The following C1orf159 variants were observed in gnomAD, a reference collection of about 807,000 sequenced individuals.
C1orf159 encodes chromosome 1 open reading frame 159.
A neutral mutation model predicts 25.6 loss-of-function variants in C1orf159; 19 were observed. That is an observed-to-expected ratio of 0.74 (90% CI 0.52 to 1.09). The LOEUF (loss-of-function observed/expected upper bound fraction) is 1.09, where lower values mean the gene tolerates loss of function less well. Ranked by LOEUF, C1orf159 falls within the 50% of genes least tolerant of loss-of-function variation. The pLI is 0.00. For synonymous variants in C1orf159, 139 were observed against 124.7 expected (o/e 1.12, Z -0.77); for missense variants, 274 against 290.6 (o/e 0.94, Z 0.42).
At chr1:1,109,691 A>C (rs1408084309) in intron 1 of C1orf159, among the ~76,000 whole-genome samples, 1 of 151,740 alleles carries the variant, frequency 6.6e-6, no homozygotes, top group Non-Finnish European at 1.5e-5. Context: ...CTGGTCTTGA[A>C]CTCCTGGGCT....
chr1:1,109,944 T>C (rs1247016236), intron 1 of C1orf159, among the ~76,000 whole-genome samples: 4 of 152,236 alleles, frequency 2.6e-5, no homozygotes, highest in African/African-American at 9.6e-5. Flanking sequence ...GCTGTAGTTA[T>C]GGCCGTGAAA....
intron 1 of C1orf159, among the ~76,000 whole-genome samples, chr1:1,104,569 A>G (rs1489894814): frequency 5.3e-5 from 8 of 152,210 alleles, no homozygotes; most frequent in African/African-American, 1.9e-4. Flanking sequence ...CCAGAAACCA[A>G]GGCGATTTTA....
intron 1 of C1orf159, among the ~76,000 whole-genome samples, chr1:1,101,928 C>T (rs1020712506): frequency 1.3e-5 from 2 of 151,626 alleles, no homozygotes; most frequent in Non-Finnish European, 2.9e-5. Flanking sequence ...AAAAATTAAT[C>T]GGGCATGGTG....
intron 1 of C1orf159, among the ~76,000 whole-genome samples, chr1:1,095,998 C>T (rs1010088150): frequency 1.3e-5 from 2 of 152,126 alleles, no homozygotes; most frequent in Non-Finnish European, 2.9e-5. Flanking sequence ...TCAAAACAAC[C>T]TTGTATCACT....
chr1:1,103,494 T>G (rs1024643666), intron 1 of C1orf159, among the ~76,000 whole-genome samples: 1 of 152,208 alleles, frequency 6.6e-6, no homozygotes, highest in African/African-American at 2.4e-5. Flanking sequence ...GCAATTAATT[T>G]CATTAGATTC....
chr1:1,084,215 G>C (rs878977527), intron 9 of C1orf159, 138 bp downstream of exon 9: 2 of 1,521,176 alleles, frequency 1.3e-6, no homozygotes, highest in South Asian at 2.6e-5. Context: ...TGCCTTGTGG[G>C]TGGGTCTCCT....
In C1orf159 at chr1:1,089,401, G is replaced by C. The variant is rs948277757; in HGVS notation, c.148+952C>G. Among the ~76,000 whole-genome samples the C allele has an allele frequency of 5.3e-5, 8 of 152,114 alleles. No homozygotes were observed. Among genetic ancestry groups the C allele is most frequent in the Admixed American group, 3.9e-4 (6 of 15,278 alleles). ...CCCAGCCACCAGGGCTTCAGCATCA[G>C]ACGATGAGGACCCCAAGGTGCTCAG... On this transcript the variant is annotated intron_variant, in intron 4 of 9. Transcript: ENST00000421241. The surrounding 1 kb of genome is among the most constrained non-coding windows in gnomAD (Gnocchi z 7.5).
At chr1:1,083,797 G>A in intron 9 of C1orf159, 2 of 914,538 alleles carry the variant, frequency 2.2e-6, no homozygotes, top group Middle Eastern at 2.8e-4. Context: ...CCCCATGACA[G>A]ACTTCTGCAC....
chr1:1,088,802 G>A (rs563724960), intron 4 of C1orf159, among the ~76,000 whole-genome samples: 30 of 152,256 alleles, frequency 2.0e-4, no homozygotes, highest in South Asian at 1.9e-3. Context: ...CGGGGACCCC[G>A]CGGTGGAGAG....
In C1orf159 at chr1:1,089,985, C is replaced by T. The variant is rs190141770; in HGVS notation, c.148+368G>A. Among the ~76,000 whole-genome samples the T allele has an allele frequency of 3.7e-4, 57 of 152,336 alleles. No individual in the cohort carries two copies. The highest frequency in any genetic ancestry group is 1.4e-3 in the East Asian group (7 of 5,184). On this transcript the variant is annotated intron_variant, in intron 4 of 9. Transcript: ENST00000421241. The surrounding 1 kb of genome is among the most constrained non-coding windows in gnomAD (Gnocchi z 7.5). ...GGCCAGCAGCACCTCTGCCCGAGCA[C>T]GGACAGGCAAAAATGTCTTGGGCTT...
intron 1 of C1orf159, among the ~76,000 whole-genome samples, chr1:1,112,493 C>T (rs1646275069): frequency 6.6e-6 from 1 of 151,938 alleles, no homozygotes; most frequent in Non-Finnish European, 1.5e-5. Flanking sequence ...TGCTACCTCC[C>T]TCCAGTGAAC....
rs185236499 is a variant in C1orf159 at position 1,112,011 on chromosome 1, G to A, written c.-136+4049C>T. Among the ~76,000 whole-genome samples, 22 of 152,308 alleles carry A rather than the reference G, an allele frequency of 1.4e-4. 1 individual carries two copies. The highest frequency in any genetic ancestry group is 4.8e-4 in the African/African-American group (20 of 41,554). ...CATGGTAGTCGCTGCCCACCTACCC[G>A]TGGGCTCAGCACACCGGAGTCGGGC... is the stretch of plus-strand genomic sequence containing the variant. On this transcript the variant is annotated intron_variant, in intron 1 of 9. Coordinates refer to ENST00000421241, the MANE Select transcript of C1orf159 (RefSeq NM_017891.5).
intron 1 of C1orf159, among the ~76,000 whole-genome samples, chr1:1,093,983 G>T (rs1423251688): frequency 3.3e-5 from 5 of 152,164 alleles, no homozygotes; most frequent in Non-Finnish European, 7.3e-5. Context: ...GAAGACTAAT[G>T]ATGGCATCTT....
In C1orf159 at chr1:1,110,415, G is replaced by A. The variant is rs1275897451; in HGVS notation, c.-136+5645C>T. Reference sequence around the variant, plus strand: ...GGAGATAGTCACAGTACACGTACCAGACAAAAGCCCTGAATATGGAATATA... The same window carrying A: ...GGAGATAGTCACAGTACACGTACCAAACAAAAGCCCTGAATATGGAATATA... On this transcript the variant is annotated intron_variant, in intron 1 of 9. Transcript: ENST00000421241. This position sits in a 1 kb window ranked among gnomAD's most constrained non-coding sequence, Gnocchi z 4.8. 6.6e-6 allele frequency among the ~76,000 whole-genome samples: 1 copy of A among 152,146 alleles called. No individual in the cohort carries two copies. Among genetic ancestry groups the A allele is most frequent in the African/African-American group, 2.4e-5 (1 of 41,432 alleles).
intron 1 of C1orf159, among the ~76,000 whole-genome samples, chr1:1,114,864 G>C (rs1646312140): frequency 1.3e-5 from 2 of 152,130 alleles, no homozygotes; most frequent in Admixed American, 1.3e-4. Context: ...TTGGGGACTC[G>C]GAGGGAAGGG....
At chr1:1,111,286 G>A (rs1232187155) in intron 1 of C1orf159, among the ~76,000 whole-genome samples, 1 of 151,236 alleles carries the variant, frequency 6.6e-6, no homozygotes, top group Non-Finnish European at 1.5e-5. Context: ...CCATCATTTT[G>A]GGAGGCCAAG....
chr1:1,114,519 G>T (rs1646307043), intron 1 of C1orf159, among the ~76,000 whole-genome samples: 1 of 152,206 alleles, frequency 6.6e-6, no homozygotes. Context: ...TATCTCAGGG[G>T]TTCCCGGGAT....
chr1:1,087,352 C>G lies in C1orf159; in HGVS notation c.245-148G>C. The G allele has an allele frequency of 8.7e-7, 1 of 1,155,450 alleles. No homozygotes were observed. Among genetic ancestry groups the G allele is most frequent in the Non-Finnish European group, 1.2e-6 (1 of 832,610 alleles). The allele number at this position is 1,155,450 out of a possible 1,614,324, so 71.6% of individuals were successfully genotyped here. A position where few individuals can be genotyped will look rare whatever the true frequency, so the allele number is the denominator to read the frequency against. On this transcript the variant is annotated intron_variant, in intron 5 of 9. Transcript: ENST00000421241. The surrounding 1 kb of genome is among the most constrained non-coding windows in gnomAD (Gnocchi z 8.3). ...CTCACCACAGAGCTGTCCCGAATGG[C>G]CCAGCAGACTCGGGAAGAGGGGGCT...
At chr1:1,084,175 G>C in intron 9 of C1orf159, 178 bp downstream of exon 9, 1 of 1,532,868 alleles carries the variant, frequency 6.5e-7, no homozygotes, top group Non-Finnish European at 8.8e-7. Flanking sequence ...ATCCAGAGCA[G>C]GGGGCACCAG....
Sources: gnomAD v4.1 joint callset for allele counts (sites outside exome capture counted in the v4.1 genomes callset) on GRCh38, gnomAD v4.1.1 for gene constraint, Gnocchi (gnomAD v3.1) non-coding constraint, MANE v1.5 for transcripts, NCBI Gene and HGNC (gene_info 2026-07-23, HGNC 2026-07-21) for gene names.